The following SLC22A31 variants were observed in gnomAD, a reference collection of about 807,000 sequenced individuals.
The protein encoded by SLC22A31 is solute carrier family 22 member 31, also known as putative solute carrier family 22 member 31.
SLC22A31 carries 42 observed loss-of-function variants against 27.4 expected under a neutral mutation model. That is an observed-to-expected ratio of 1.53 (90% CI 1.20 to 1.98). The LOEUF (loss-of-function observed/expected upper bound fraction) is 1.98. SLC22A31 is among the 30% of genes most tolerant of loss of function. The pLI, the probability that SLC22A31 is intolerant of heterozygous loss-of-function variation, is 0.00. For synonymous variants in SLC22A31, 290 were observed against 230.8 expected, an observed-to-expected ratio of 1.26 and a Z score of -2.33; for missense variants, 593 against 479.9, an observed-to-expected ratio of 1.24 and a Z score of -2.20.
chr16:89,196,729 T>C (rs541092744), intron 8 of SLC22A31, among the ~76,000 whole-genome samples: 1 of 152,172 alleles, frequency 6.6e-6, no homozygotes, highest in Non-Finnish European at 1.5e-5. Context: ...AGGCGGATCA[T>C]GAGGTCAGGA....
Position 89,198,495 on chromosome 16 carries a change from C to A in SLC22A31, c.654G>T (p.Gly218=). The change falls in exon 6 of 9, where the codon GGG becomes GGT. Residue 218 remains glycine, a synonymous_variant. Transcript: ENST00000682282. ...TCCAGGTGACTCGGGTACGCAGAAG[C>A]CCCAGTGGGGAGTGGTACCGGGGCT... is the stretch of plus-strand genomic sequence containing the variant. ...SPQPRYHSPL[G]LLRTRVTWRN... The A allele has an allele frequency of 1.3e-6, 2 of 1,518,440 alleles. No individual in the cohort carries two copies. The highest frequency in any genetic ancestry group is 1.8e-6 in the Non-Finnish European group (2 of 1,137,472). 94.1% of individuals were successfully genotyped at this position (1,518,440 alleles called of 1,614,324 possible).
At position 89,196,029 on chromosome 16, in the gene SLC22A31, G is replaced by C; in HGVS notation, c.1311C>G (p.Tyr437Ter). 6.6e-7 allele frequency: 1 copy of C among 1,524,970 alleles called. No homozygotes were observed. The highest frequency in any genetic ancestry group is 1.2e-5 in the South Asian group (1 of 82,646). 94.5% of individuals were successfully genotyped at this position (1,524,970 alleles called of 1,614,324 possible). ...HLPLLPPSNSYWAGHTPEQH is the reference protein window; with the variant it reads ...HLPLLPPSNS Reference sequence around the variant, plus strand: ...GCTGCTCGGGGGTGTGGCCGGCCCAGTAGGAGTTGGAGGGCGGCAGCAGAG... The same window carrying C: ...GCTGCTCGGGGGTGTGGCCGGCCCACTAGGAGTTGGAGGGCGGCAGCAGAG... The change falls in exon 9 of 9, where the codon TAC (tyrosine) becomes TAG (stop). Residue 437 changes from tyrosine to a stop codon, truncating the protein, a stop_gained. Transcript: ENST00000682282. LOFTEE classifies it low-confidence loss of function (END_TRUNC).
At chr16:89,201,670 G>T (rs942269586), upstream of SLC22A31, 203 of 396,160 alleles carry the variant, frequency 5.1e-4, no homozygotes, top group Non-Finnish European at 7.6e-4. Flanking sequence ...TCCATCGGTC[G>T]CAGGCTGCGC....
rs1394056105 is a variant in SLC22A31, at chr16:89,199,434, G to C, written c.262C>G (p.Leu88Val). The change falls in exon 3 of 9, where the codon CTC (leucine) becomes GTC (valine). Residue 88 changes from leucine (L) to valine (V), a missense_variant. By Grantham distance (32) the Leu-to-Val change is conservative. Transcript: ENST00000682282. ...TCACGAGCCAGATACAGGGCGAGGA[G>C]GGCCCCTGCCAATGTGCCCCCGTGG... Reference protein sequence around the residue: ...LLHGGTLAGALLALYLARLEL... With the variant: ...LLHGGTLAGAVLALYLARLEL... 1.8e-6 allele frequency: 1 copy of C among 546,914 alleles called. No individual in the cohort carries two copies. The highest frequency in any genetic ancestry group is 3.3e-6 in the Non-Finnish European group (1 of 305,524). 33.9% of individuals were successfully genotyped at this position (546,914 alleles called of 1,614,324 possible). A position where few individuals can be genotyped will look rare whatever the true frequency, so the allele number is the denominator to read the frequency against.
chr16:89,196,816 G>C (rs868254280), intron 8 of SLC22A31, among the ~76,000 whole-genome samples: 39 of 151,828 alleles, frequency 2.6e-4, no homozygotes, highest in African/African-American at 9.4e-4. Context: ...CGTGGTGGTG[G>C]GTGCCTGTAA....
rs756289384 is a variant in SLC22A31 at position 89,198,990 on chromosome 16, G to T, written c.452+33C>A. 8.5e-6 allele frequency: 13 copies of T among 1,529,126 alleles called. No homozygotes were observed. In the East Asian group the frequency reaches 2.7e-4, roughly 32 times the overall value. The allele number at this position is 1,529,126 out of a possible 1,614,324, so 94.7% of individuals were successfully genotyped here. A position where few individuals can be genotyped will look rare whatever the true frequency, so the allele number is the denominator to read the frequency against. On this transcript the variant is annotated intron_variant, in intron 4 of 8. Coordinates refer to ENST00000682282, the MANE Select transcript of SLC22A31 (RefSeq NM_001384763.1). ...GGGAAGCTACATAGTCAGCCCCGAT[G>T]AGGGCTGCTGGCCCAGCTCCCACCA...
chr16:89,198,422 C>A lies in SLC22A31; in HGVS notation c.707+20G>T. 6.6e-7 allele frequency: 1 copy of A among 1,520,498 alleles called. No individual in the cohort carries two copies. The allele number at this position is 1,520,498 out of a possible 1,614,324, so 94.2% of individuals were successfully genotyped here. ...CCACCCCGGGGGATGGTGCAGGACC[C>A]CAGCCCTTCCTCGACTCACGAGCTG... On this transcript the variant is annotated intron_variant, in intron 6 of 8. Coordinates refer to ENST00000682282, the MANE Select transcript of SLC22A31 (RefSeq NM_001384763.1).
At chr16:89,197,932 T>C (rs1007581585) in intron 7 of SLC22A31, among the ~76,000 whole-genome samples, 190 bp downstream of exon 7, 1 of 152,166 alleles carries the variant, frequency 6.6e-6, no homozygotes, top group African/African-American at 2.4e-5. Flanking sequence ...GCTCAGACAG[T>C]TTCCTTACTT....
upstream of SLC22A31, chr16:89,201,038 TC>T (rs1402471806): frequency 2.8e-6 from 1 of 361,434 alleles, no homozygotes; most frequent in Non-Finnish European, 4.9e-6. Flanking sequence ...GCCTGGCAGC[TC>T]CCAGGCCCAG....
At position 89,196,232 on chromosome 16, in the gene SLC22A31, C is replaced by T. The variant is rs1454777877; in HGVS notation, c.1108G>A (p.Gly370Ser). ...TGTTGCAGGAAGAAGCCCTGCCGGC[C>T]GTGCAGGGTGTCCAGGGGGCCGGCT... ...QAAGPLDTLH[G>S]RQGFFLQQVV... is the part of the protein sequence containing the mutation. The change falls in exon 9 of 9, where the codon GGC becomes AGC. Residue 370 changes from glycine to serine, a missense_variant. Transcript: ENST00000682282. The T allele has an allele frequency of 5.9e-6, 9 of 1,534,438 alleles. No homozygotes were observed. The highest frequency in any genetic ancestry group is 2.0e-5 in the Admixed American group (1 of 50,980).
intron 7 of SLC22A31, 58 bp downstream of exon 7, chr16:89,198,064 G>T: frequency 4.0e-6 from 6 of 1,511,222 alleles, no homozygotes; most frequent in South Asian, 2.4e-5. Flanking sequence ...CCCTGGTGTG[G>T]CAGACCGTCG....
chr16:89,196,670 G>A (rs547736805), intron 8 of SLC22A31, among the ~76,000 whole-genome samples: 31 of 152,200 alleles, frequency 2.0e-4, no homozygotes, highest in Non-Finnish European at 3.7e-4. Context: ...GAAAGTGGCC[G>A]GGCACAGTGG....
intron 1 of SLC22A31, 118 bp downstream of exon 1, chr16:89,200,360 G>A (rs887477565): frequency 6.5e-6 from 1 of 152,860 alleles, no homozygotes; most frequent in African/African-American, 2.4e-5. Flanking sequence ...TGAGGCCCTT[G>A]ACCCTTGACC....
chr16:89,198,560 CAG>C lies in SLC22A31; in HGVS notation c.599-12_599-11del. 6.6e-7 allele frequency: 1 copy of C among 1,509,940 alleles called. No individual in the cohort carries two copies. The allele number at this position is 1,509,940 out of a possible 1,614,324, so 93.5% of individuals were successfully genotyped here. On this transcript the variant is annotated splice_polypyrimidine_tract_variant and intron_variant, in intron 5 of 8. Transcript: ENST00000682282. ...GACAGCATGGTCAGCTCTGTAGCCG[CAG>C]AGATGTGAGGGGAGGGGGGTGAGGA... is the stretch of plus-strand genomic sequence containing the variant.
In SLC22A31 at chr16:89,196,128, G is replaced by C; in HGVS notation, c.1212C>G (p.Pro404=). 6.5e-7 allele frequency: 1 copy of C among 1,534,770 alleles called. No homozygotes were observed. The highest frequency in any genetic ancestry group is 8.7e-7 in the Non-Finnish European group (1 of 1,146,504). Residue 404 remains proline (P), a synonymous_variant, in exon 9 of 9, where the codon CCC becomes CCG. Coordinates refer to ENST00000682282, the MANE Select transcript of SLC22A31 (RefSeq NM_001384763.1). ...LLPESRSRGL[P]QSLQDADRLR... ...GGCGGTCGGCGTCCTGCAGTGACTG[G>C]GGCAGCCCCCGGCTTCGGCTCTCAG...
intron 1 of SLC22A31, 112 bp from the exon 2 acceptor site, chr16:89,199,928 C>T (rs1916387241): frequency 2.5e-6 from 1 of 399,742 alleles, no homozygotes; most frequent in Non-Finnish European, 4.4e-6. Flanking sequence ...TGCTCAATCC[C>T]TCCGTGGAGA....
upstream of SLC22A31, chr16:89,201,448 C>A (rs1030147027): frequency 6.9e-5 from 27 of 388,946 alleles, no homozygotes; most frequent in African/African-American, 5.4e-4. Context: ...CGCGGGATGG[C>A]GGCGTCCAGC....
rs1567779600 is a variant in SLC22A31, at chr16:89,196,126, T to A, written c.1214A>T (p.Gln405Leu). ...LPESRSRGLP[Q>L]SLQDADRLRR... ...CAGGCGGTCGGCGTCCTGCAGTGAC[T>A]GGGGCAGCCCCCGGCTTCGGCTCTC... Residue 405 changes from glutamine to leucine, a missense_variant, in exon 9 of 9, where the codon CAG (glutamine) becomes CTG (leucine). By Grantham distance (113) the Gln-to-Leu change is moderately radical. Coordinates refer to ENST00000682282, the MANE Select transcript of SLC22A31 (RefSeq NM_001384763.1). The A allele has an allele frequency of 6.5e-7, 1 of 1,534,684 alleles. No individual in the cohort carries two copies. Among genetic ancestry groups the A allele is most frequent in the Non-Finnish European group, 8.7e-7 (1 of 1,146,472 alleles).
In SLC22A31 at chr16:89,198,791, C is replaced by T. The variant is rs1358659639; in HGVS notation, c.459G>A (p.Pro153=). The T allele has an allele frequency of 7.2e-6, 11 of 1,529,836 alleles. No homozygotes were observed. Among genetic ancestry groups the T allele is most frequent in the East Asian group, 2.5e-5 (1 of 40,728 alleles). The allele number at this position is 1,529,836 out of a possible 1,614,324, so 94.8% of individuals were successfully genotyped here. ...AGCAGGGAGACTCGGGGAACAGGGC[C>T]GGGAACCTGCAGCGTTGGTGAGGAT... ...SGLLLLFWGF[P]ALFPESPCWL... Residue 153 remains proline, a synonymous_variant, in exon 5 of 9, where the codon CCG becomes CCA. Coordinates refer to ENST00000682282, the MANE Select transcript of SLC22A31 (RefSeq NM_001384763.1).
Sources: allele counts gnomAD v4.1 joint callset (sites outside exome capture counted in the v4.1 genomes callset), GRCh38; gene constraint gnomAD v4.1.1; transcripts MANE v1.5; gene names NCBI Gene and HGNC (gene_info 2026-07-23, HGNC 2026-07-21).